EXOC6: variants seen among roughly 807,000 people sequenced by gnomAD.
EXOC6 encodes exocyst complex component 6.
In EXOC6, 60 loss-of-function variants were observed where a neutral mutation model predicts 112.5. The ratio of observed to expected loss-of-function variants is 0.53; its 90% CI spans 0.43 to 0.66. EXOC6 has a LOEUF of 0.66. EXOC6 is among the 30% of genes least tolerant of loss of function. The pLI, the probability that EXOC6 is intolerant of heterozygous loss-of-function variation, is 0.00. For missense variants in EXOC6, 855 were observed against 957.1 expected (o/e 0.89, Z 1.41); for synonymous variants, 295 against 308.0 (o/e 0.96, Z 0.44).
intron 18 of EXOC6, among the ~76,000 whole-genome samples, chr10:92,996,444 T>C (rs552369082): frequency 2.6e-5 from 4 of 152,090 alleles, no homozygotes; most frequent in Non-Finnish European, 5.9e-5. Context: ...GGTGAAACTC[T>C]GTCTCTACTG....
At chr10:92,859,037 T>C (rs1390892567) in intron 1 of EXOC6, among the ~76,000 whole-genome samples, 1 of 152,226 alleles carries the variant, frequency 6.6e-6, no homozygotes, top group Non-Finnish European at 1.5e-5. Context: ...AGTGTTAGGA[T>C]TACAGGCATG....
intron 1 of EXOC6, among the ~76,000 whole-genome samples, chr10:92,863,668 T>G (rs567004955): frequency 1.3e-5 from 2 of 151,978 alleles, no homozygotes; most frequent in African/African-American, 4.8e-5. Flanking sequence ...ATCCCAGCAC[T>G]TTGGGAGGCC....
chr10:92,917,256 C>T (rs566008910), intron 7 of EXOC6, among the ~76,000 whole-genome samples: 4 of 151,820 alleles, frequency 2.6e-5, no homozygotes, highest in Non-Finnish European at 5.9e-5. Context: ...TGGGCCACTG[C>T]GCCCAAATCT....
chr10:92,950,764 A>G (rs1853360999), intron 14 of EXOC6, among the ~76,000 whole-genome samples: 1 of 152,250 alleles, frequency 6.6e-6, no homozygotes, highest in African/African-American at 2.4e-5. Context: ...AAGCCATGAA[A>G]GAATTTTAAG....
At chr10:92,953,628 ACC>A (rs1853538217) in intron 15 of EXOC6, among the ~76,000 whole-genome samples, 1 of 152,182 alleles carries the variant, frequency 6.6e-6, no homozygotes, top group Non-Finnish European at 1.5e-5. Context: ...AGAATTATCC[ACC>A]CTAAAATGTC....
At chr10:92,939,559 G>C (rs1439778125) in intron 12 of EXOC6, among the ~76,000 whole-genome samples, 1 of 151,988 alleles carries the variant, frequency 6.6e-6, no homozygotes, top group Non-Finnish European at 1.5e-5. Context: ...TGAGTTTAAT[G>C]TACTTGCTGG....
chr10:92,940,950 A>G (rs2133974110), intron 13 of EXOC6, 126 bp downstream of exon 13: 1 of 703,738 alleles, frequency 1.4e-6, no homozygotes, highest in South Asian at 1.7e-5. Flanking sequence ...CATAGAATTT[A>G]CCATCTTAGC....
chr10:92,951,563 G>A (rs903429381), intron 14 of EXOC6, among the ~76,000 whole-genome samples: 2 of 152,146 alleles, frequency 1.3e-5, no homozygotes, highest in African/African-American at 2.4e-5. Context: ...TACTTTCACC[G>A]ATATAACAAG....
chr10:93,011,383 A>G (rs1463586650), intron 19 of EXOC6, among the ~76,000 whole-genome samples: 2 of 151,978 alleles, frequency 1.3e-5, no homozygotes, highest in Non-Finnish European at 2.9e-5. Flanking sequence ...TAGCCTCCCC[A>G]GTAGGTGGAA....
In EXOC6 at chr10:92,911,928, TCTCTGTGTGC is replaced by T. The variant is rs1473709104; in HGVS notation, c.663+2298_663+2307del. Among the ~76,000 whole-genome samples the T allele has an allele frequency of 2.5e-4, 24 of 95,034 alleles. No individual in the cohort carries two copies. In the East Asian group the frequency reaches 5.8e-3, roughly 23 times the overall value. 62.3% of individuals were successfully genotyped at this position (95,034 alleles called of 152,430 possible). The stretch of plus-strand genomic sequence containing the variant: ...CTCTCTCTCTCTCTCTCTCTCTCTC[TCTCTGTGTGC>T]GTGTGTGTGTGTGTGTGTGTGTGTG... On this transcript the variant is annotated intron_variant, in intron 6 of 21. Coordinates refer to ENST00000260762, the MANE Select transcript of EXOC6 (RefSeq NM_019053.6).
chr10:92,944,402 A>G (rs947617360), intron 13 of EXOC6, among the ~76,000 whole-genome samples: 1 of 151,612 alleles, frequency 6.6e-6, no homozygotes, highest in Admixed American at 6.6e-5. Context: ...ATGCCCCACT[A>G]ATTTTTGTAT....
intron 20 of EXOC6, among the ~76,000 whole-genome samples, chr10:93,024,534 C>T (rs949767837): frequency 3.3e-5 from 5 of 152,078 alleles, no homozygotes; most frequent in South Asian, 2.1e-4. Flanking sequence ...GGGGTTCGAG[C>T]GATTTTCCTA....
Position 92,993,714 on chromosome 10 carries a change from A to G in EXOC6, c.1954-3760A>G, listed in dbSNP as rs568030790. ...AAACAGAGTGTCTTTAGCCTAATCT[A>G]TGATAGTAAATTATTTTGGAAATTT... is the stretch of plus-strand genomic sequence containing the variant. On this transcript the variant is annotated intron_variant, in intron 18 of 21. Coordinates refer to ENST00000260762, the MANE Select transcript of EXOC6 (RefSeq NM_019053.6). 3.3e-5 allele frequency among the ~76,000 whole-genome samples: 5 copies of G among 152,290 alleles called. No homozygotes were observed. In the South Asian group the frequency reaches 6.2e-4, roughly 19 times the overall value.
chr10:92,909,900 C>A (rs1850646508), intron 6 of EXOC6, among the ~76,000 whole-genome samples: 1 of 152,138 alleles, frequency 6.6e-6, no homozygotes, highest in Non-Finnish European at 1.5e-5. Flanking sequence ...GTTATGTTAT[C>A]CTTTACCACC....
At chr10:92,976,490 C>T (rs990277946) in intron 18 of EXOC6, among the ~76,000 whole-genome samples, 1 of 151,654 alleles carries the variant, frequency 6.6e-6, no homozygotes, top group East Asian at 1.9e-4. Context: ...GTCATCACCA[C>T]TCCCTAATCT....
chr10:93,002,857 G>A (rs944620351), intron 19 of EXOC6, among the ~76,000 whole-genome samples: 1 of 152,150 alleles, frequency 6.6e-6, no homozygotes, highest in East Asian at 1.9e-4. Context: ...TTGACTCATA[G>A]TGATCACTTT....
chr10:92,987,821 G>T (rs549705255), intron 18 of EXOC6, among the ~76,000 whole-genome samples: 1 of 152,198 alleles, frequency 6.6e-6, no homozygotes, highest in South Asian at 2.1e-4. Flanking sequence ...TTGTGAAGCA[G>T]TCAAGATTCT....
chr10:93,051,227 A>G (rs539381554), intron 20 of EXOC6, among the ~76,000 whole-genome samples: 6 of 152,170 alleles, frequency 3.9e-5, no homozygotes, highest in Non-Finnish European at 7.3e-5. Flanking sequence ...AAATACTTTA[A>G]GAACATTCTA....
upstream of EXOC6, among the ~76,000 whole-genome samples, chr10:92,844,154 A>AG (rs929921771): frequency 6.6e-6 from 1 of 151,112 alleles, no homozygotes; most frequent in Non-Finnish European, 1.5e-5. Context: ...TGTCTCAGAA[A>AG]AAAAAAAAAA....
Sources: gnomAD v4.1 joint callset for allele counts (sites outside exome capture counted in the v4.1 genomes callset) on GRCh38, gnomAD v4.1.1 for gene constraint, MANE v1.5 for transcripts, NCBI Gene and HGNC (gene_info 2026-07-23, HGNC 2026-07-21) for gene names.